The following DSG3 variants were observed in gnomAD, a reference collection of about 807,000 sequenced individuals.
DSG3 encodes desmoglein-3.
A neutral mutation model predicts 85.9 loss-of-function variants in DSG3; 63 were observed. The observed-to-expected ratio is 0.73, with a 90% CI of 0.60 to 0.90. The LOEUF is 0.90. Ranked by LOEUF, DSG3 falls within the 40% of genes least tolerant of loss-of-function variation. DSG3 has a pLI of 0.00. For missense variants in DSG3, 1,220 were observed against 1,219.9 expected (o/e 1.00, Z 0.00); for synonymous variants, 447 against 441.9 (o/e 1.01, Z -0.14).
Position 31,464,131 on chromosome 18 carries a change from A to G in DSG3, c.1020A>G (p.Leu340=), listed in dbSNP as rs773689509. 1.2e-6 allele frequency: 2 copies of G among 1,613,752 alleles called. No homozygotes were observed. Among genetic ancestry groups the G allele is most frequent in the East Asian group, 2.2e-5 (1 of 44,876 alleles). ...KVVKALDYEQ[L]QSVKLSIAVK... is the part of the protein sequence containing the mutation. The stretch of plus-strand genomic sequence containing the variant: ...TCCAGGCTCTAGATTATGAACAACT[A>G]CAAAGCGTGAAACTTAGTATTGCTG... Residue 340 remains leucine, a synonymous_variant, in exon 9 of 16, where the codon CTA becomes CTG. Coordinates refer to ENST00000257189, the MANE Select transcript of DSG3 (RefSeq NM_001944.3).
In DSG3 at chr18:31,459,825, A is replaced by G; in HGVS notation, c.518-20A>G. On this transcript the variant is annotated intron_variant, in intron 5 of 15. Coordinates refer to ENST00000257189, the MANE Select transcript of DSG3 (RefSeq NM_001944.3). ...TTAATTGTTACATATTCTTTAATAA[A>G]CGTTTTCCTGTATTCCTAGACTCAC... 6.3e-7 allele frequency: 1 copy of G among 1,587,488 alleles called. No homozygotes were observed.
At chr18:31,458,883 C>T in intron 4 of DSG3, 150 bp from the exon 5 acceptor site, 1 of 1,052,548 alleles carries the variant, frequency 9.5e-7, no homozygotes, top group African/African-American at 1.6e-5. Context: ...CCAGAGCAGG[C>T]ACCTTTTTCC....
chr18:31,458,455 A>C lies in DSG3; in HGVS notation c.227A>C (p.Asp76Ala). ...TATTTGGGGCTGTAGATTACTTCAG[A>C]TTACCAAGCAACCCAGAAAATCACC... Reference protein sequence around the residue: ...KRNPIAKITSDYQATQKITYR... With the variant: ...KRNPIAKITSAYQATQKITYR... The change falls in exon 4 of 16, where the codon GAT (aspartate) becomes GCT (alanine). Residue 76 changes from aspartate (D) to alanine (A), a missense_variant. Coordinates refer to ENST00000257189, the MANE Select transcript of DSG3 (RefSeq NM_001944.3). 6.2e-7 allele frequency: 1 copy of C among 1,613,910 alleles called. No individual in the cohort carries two copies. The highest frequency in any genetic ancestry group is 8.5e-7 in the Non-Finnish European group (1 of 1,179,896).
rs139950299 is a variant in DSG3, at chr18:31,469,187, C to T, written c.1735C>T (p.Pro579Ser). The T allele has an allele frequency of 2.5e-6, 4 of 1,614,130 alleles. No individual in the cohort carries two copies. Among genetic ancestry groups the T allele is most frequent in the Non-Finnish European group, 3.4e-6 (4 of 1,180,016 alleles). Residue 579 changes from proline (P) to serine (S), a missense_variant, in exon 12 of 16, where the codon CCA becomes TCA. Transcript: ENST00000257189. ...CAGTCAGAACAATCGGTGTGAGATG[C>T]CACGCAGCTTGACACTGGAAGTCTG... ...TDSQNNRCEMPRSLTLEVCQC... is the reference protein window; with the variant it reads ...TDSQNNRCEMSRSLTLEVCQC...
intron 1 of DSG3, among the ~76,000 whole-genome samples, chr18:31,450,356 G>A (rs2072704002): frequency 6.6e-6 from 1 of 152,190 alleles, no homozygotes; most frequent in African/African-American, 2.4e-5. Context: ...ATGACAGTTT[G>A]CTTTGGAGAA....
intron 7 of DSG3, 77 bp downstream of exon 7, chr18:31,461,038 T>A: frequency 7.1e-7 from 1 of 1,416,248 alleles, no homozygotes. Context: ...ACTTGCCTGT[T>A]TGTTGGCTTT....
intron 1 of DSG3, 82 bp from the exon 2 acceptor site, chr18:31,456,358 A>G (rs1487131998): frequency 2.3e-6 from 2 of 874,522 alleles, no homozygotes; most frequent in Non-Finnish European, 3.2e-6. Flanking sequence ...ACAATAGAAT[A>G]TAATAATCAG....
chr18:31,476,125 C>T lies in DSG3; in HGVS notation c.2865C>T (p.Leu955=). Residue 955 remains leucine, a synonymous_variant, in exon 16 of 16, where the codon CTC becomes CTT. Coordinates refer to ENST00000257189, the MANE Select transcript of DSG3 (RefSeq NM_001944.3). ...QPSTAGFDPL[L]TQNVIVTERV... Reference sequence around the variant, plus strand: ...CCACTGCAGGCTTTGATCCACTTCTCACACAAAATGTGATAGTGACAGAAA... The same window carrying T: ...CCACTGCAGGCTTTGATCCACTTCTTACACAAAATGTGATAGTGACAGAAA... 3 of 1,614,208 alleles carry T rather than the reference C, an allele frequency of 1.9e-6. No homozygotes were observed. Among genetic ancestry groups the T allele is most frequent in the Non-Finnish European group, 2.5e-6 (3 of 1,180,030 alleles).
At position 31,475,696 on chromosome 18, in the gene DSG3, CT is replaced by C. The variant is rs763390488; in HGVS notation, c.2438del (p.Leu813CysfsTer2). 1 of 1,614,018 alleles carries C rather than the reference CT, an allele frequency of 6.2e-7. No individual in the cohort carries two copies. Among genetic ancestry groups the C allele is most frequent in the African/African-American group, 1.3e-5 (1 of 74,900 alleles). On this transcript the variant is annotated frameshift_variant, in exon 16 of 16. Coordinates refer to ENST00000257189, the MANE Select transcript of DSG3 (RefSeq NM_001944.3). LOFTEE classifies it low-confidence loss of function (END_TRUNC). ...ACGATGGCCAGGAAGCAAATGACTG[CT>C]TGTTGATCTATGATAATGAAGGCGC... is the stretch of plus-strand genomic sequence containing the variant. ...EDDGQEANDC[L>X]LIYDNEGADA...
intron 7 of DSG3, 32 bp downstream of exon 7, chr18:31,460,993 G>T (rs776325825): frequency 1.3e-6 from 2 of 1,551,856 alleles, no homozygotes; most frequent in African/African-American, 2.8e-5. Flanking sequence ...GAATCATTTA[G>T]ATATATATTT....
Position 31,476,434 on chromosome 18 carries a change from T to C in DSG3, c.*174T>C, listed in dbSNP as rs371049003. On this transcript the variant is annotated 3_prime_UTR_variant, in exon 16 of 16. Coordinates refer to ENST00000257189, the MANE Select transcript of DSG3 (RefSeq NM_001944.3). The stretch of plus-strand genomic sequence containing the variant: ...TTGGGTTCATACCCCAAAAGCAATA[T>C]GTTGTCACTCCTAATTCTCAAGTAC... 3.1e-6 allele frequency: 2 copies of C among 637,642 alleles called. No homozygotes were observed. The highest frequency in any genetic ancestry group is 1.8e-5 in the African/African-American group (1 of 54,818). 39.5% of individuals were successfully genotyped at this position (637,642 alleles called of 1,614,324 possible).
At chr18:31,467,412 G>C (rs1268427574) in intron 11 of DSG3, among the ~76,000 whole-genome samples, 1 of 152,226 alleles carries the variant, frequency 6.6e-6, no homozygotes, top group Non-Finnish European at 1.5e-5. Flanking sequence ...ACATAAACTT[G>C]TTCTGATGGA....
chr18:31,475,829 G>T lies in DSG3; in HGVS notation c.2569G>T (p.Ala857Ser), dbSNP rs745894884. 1 of 1,614,152 alleles carries T rather than the reference G, an allele frequency of 6.2e-7. No individual in the cohort carries two copies. Among genetic ancestry groups the T allele is most frequent in the Admixed American group, 1.7e-5 (1 of 60,012 alleles). The change falls in exon 16 of 16, where the codon GCA (alanine) becomes TCA (serine). Residue 857 changes from alanine (A) to serine (S), a missense_variant. Physicochemically the swap from Ala to Ser is moderately conservative, Grantham distance 99. Transcript: ENST00000257189. Reference protein sequence around the residue: ...DSLGPKFKKLAEISLGVDGEG... With the variant: ...DSLGPKFKKLSEISLGVDGEG... ...ACTTGGACCCAAATTTAAAAAACTTGCAGAGATAAGCCTTGGTGTTGATGG... is the reference window on the plus strand; with the variant it reads ...ACTTGGACCCAAATTTAAAAAACTTTCAGAGATAAGCCTTGGTGTTGATGG...
chr18:31,462,134 G>A lies in DSG3; in HGVS notation c.999+722G>A, dbSNP rs115181830. 8.6e-3 allele frequency among the ~76,000 whole-genome samples: 1,305 copies of A among 152,114 alleles called. 18 individuals are homozygous for A. The highest frequency in any genetic ancestry group is 0.03 in the African/African-American group (1,251 of 41,464). On this transcript the variant is annotated intron_variant, in intron 8 of 15. Coordinates refer to ENST00000257189, the MANE Select transcript of DSG3 (RefSeq NM_001944.3). ...GTCATCTAGGCAAGAGTGCAGTGATGTGATTTTGGCTCACTGCAGCCTTCA... is the reference window on the plus strand; with the variant it reads ...GTCATCTAGGCAAGAGTGCAGTGATATGATTTTGGCTCACTGCAGCCTTCA...
intron 11 of DSG3, among the ~76,000 whole-genome samples, chr18:31,468,505 T>C (rs1264814022): frequency 6.6e-6 from 1 of 152,156 alleles, no homozygotes; most frequent in Non-Finnish European, 1.5e-5. Flanking sequence ...TTGGCCTACC[T>C]GCAACAGAGA....
At chr18:31,473,571 C>T (rs71372018) in intron 14 of DSG3, among the ~76,000 whole-genome samples, 15,362 of 152,234 alleles carry the variant, frequency 0.1, 817 homozygotes, top group Non-Finnish European at 0.11. Context: ...ACCTGCTTTT[C>T]CCATTAGAAT....
rs61730314 is a variant in DSG3 at position 31,475,737 on chromosome 18, C to G, written c.2477C>G (p.Ser826Cys). Residue 826 changes from serine to cysteine, a missense_variant, in exon 16 of 16, where the codon TCT (serine) becomes TGT (cysteine). Physicochemically the swap from Ser to Cys is moderately radical, Grantham distance 112. Transcript: ENST00000257189. ...AATGAAGGCGCAGATGCCACTGGTT[C>G]TCCTGTGGGCTCCGTGGGTTGTTGC... ...YDNEGADATGSPVGSVGCCSF... is the reference protein window; with the variant it reads ...YDNEGADATGCPVGSVGCCSF... 47 of 1,614,068 alleles carry G rather than the reference C, an allele frequency of 2.9e-5. No individual in the cohort carries two copies. Among genetic ancestry groups the G allele is most frequent in the Non-Finnish European group, 6.8e-6 (8 of 1,180,028 alleles).
intron 1 of DSG3, among the ~76,000 whole-genome samples, chr18:31,452,996 AT>A (rs2072720618): frequency 6.6e-6 from 1 of 152,228 alleles, no homozygotes; most frequent in Non-Finnish European, 1.5e-5. Flanking sequence ...TCACAATTAA[AT>A]AATTTCCAAG....
rs547088159 is a variant in DSG3 at position 31,473,750 on chromosome 18, AC to A, written c.2102-370del. ...CGTATGTTTCCTCTTTGGTTTCCAT[AC>A]TGAGCTCATAGGACTGCTTAACTAT... On this transcript the variant is annotated intron_variant, in intron 14 of 15. Transcript: ENST00000257189. Among the ~76,000 whole-genome samples the A allele has an allele frequency of 4.7e-4, 72 of 152,322 alleles. 1 individual carries two copies. The South Asian group carries it at 0.014, about 29-fold the overall frequency.
Sources: gnomAD v4.1 joint callset for allele counts (sites outside exome capture counted in the v4.1 genomes callset) on GRCh38, gnomAD v4.1.1 for gene constraint, MANE v1.5 for transcripts, NCBI Gene and HGNC (gene_info 2026-07-23, HGNC 2026-07-21) for gene names.